The following ACADVL variants were observed in gnomAD, a reference collection of about 807,000 sequenced individuals.
The protein encoded by ACADVL is very long-chain acyl-CoA dehydrogenase, mitochondrial.
Under a neutral mutation model 80.4 loss-of-function variants are expected in ACADVL, and 73 were observed. That is an observed-to-expected ratio of 0.91 (90% CI 0.75 to 1.10). The LOEUF (loss-of-function observed/expected upper bound fraction) is 1.10, where lower values mean the gene tolerates loss of function less well. ACADVL is among the 50% of genes least tolerant of loss of function. ACADVL has a pLI of 0.00. For missense variants in ACADVL, 878 were observed against 858.9 expected, an observed-to-expected ratio of 1.02 and a Z score of -0.28; for synonymous variants, 392 against 326.5, an observed-to-expected ratio of 1.20 and a Z score of -2.16.
At chr17:7,222,967 C>A in intron 10 of ACADVL, 102 bp downstream of exon 10, 1 of 1,490,016 alleles carries the variant, frequency 6.7e-7, no homozygotes, top group Non-Finnish European at 9.2e-7. Flanking sequence ...ACACTAGAAA[C>A]TCCTCCCCTA....
intron 6 of ACADVL, 116 bp downstream of exon 6, chr17:7,221,174 G>GT: frequency 6.5e-7 from 1 of 1,542,656 alleles, no homozygotes; most frequent in Non-Finnish European, 8.8e-7. Context: ...CCTGCCCTGG[G>GT]TGCCTGTGGG....
At position 7,224,076 on chromosome 17, in the gene ACADVL, C is replaced by A. The variant is rs748136425; in HGVS notation, c.1434+7C>A. 1 of 1,613,800 alleles carries A rather than the reference C, an allele frequency of 6.2e-7. No homozygotes were observed. Among genetic ancestry groups the A allele is most frequent in the African/African-American group, 1.3e-5 (1 of 74,870 alleles). ...GGCTCTGCAGGGCTGTATGGTAAGA[C>A]AGAGAATTGGGTGGGGGTAGAGGTG... On this transcript the variant is annotated splice_region_variant and intron_variant, in intron 14 of 19. Coordinates refer to ENST00000356839, the MANE Select transcript of ACADVL (RefSeq NM_000018.4).
chr17:7,221,013 G>A lies in ACADVL; in HGVS notation c.432G>A (p.Leu144=), dbSNP rs778968978. Residue 144 remains leucine, a synonymous_variant, in exon 6 of 20, where the codon CTG becomes CTA. Coordinates refer to ENST00000356839, the MANE Select transcript of ACADVL (RefSeq NM_000018.4). The part of the protein sequence containing the change: ...QGLKELGAFG[L]QVPSELGGVG... The stretch of plus-strand genomic sequence containing the variant: ...TCAAGGAGCTGGGGGCCTTTGGTCT[G>A]CAAGTGCCCAGTGAGCTGGGTGGTG... 2 of 1,614,052 alleles carry A rather than the reference G, an allele frequency of 1.2e-6. No homozygotes were observed. The highest frequency in any genetic ancestry group is 2.2e-5 in the East Asian group (1 of 44,878).
chr17:7,218,636 G>C, upstream of ACADVL: 1 of 1,560,742 alleles, frequency 6.4e-7, no homozygotes, highest in African/African-American at 1.4e-5. Context: ...GGCTGACCTG[G>C]GAGCTAGTGA....
chr17:7,221,871 C>G, intron 7 of ACADVL, 81 bp from the exon 8 acceptor site: 1 of 1,609,910 alleles, frequency 6.2e-7, no homozygotes, highest in Non-Finnish European at 8.5e-7. Flanking sequence ...GGGGAACTGC[C>G]TGCTGGAGGG....
Position 7,224,503 on chromosome 17 carries a change from TGCCACTGTGGTGGAGG to T in ACADVL, c.1630_1645del (p.Ala544ProfsTer3), listed in dbSNP as rs1131691553. The T allele has an allele frequency of 1.9e-6, 3 of 1,613,732 alleles. No individual in the cohort carries two copies. The highest frequency in any genetic ancestry group is 2.2e-5 in the South Asian group (2 of 91,078). On this transcript the variant is annotated frameshift_variant, in exon 17 of 20. Transcript: ENST00000356839. LOFTEE classifies it high-confidence loss of function. ...AGGCAGTACGGGCTCTGGAGCAGTT[TGCCACTGTGGTGGAGG>T]CCAAGCTGATAAAACACAAGAAGGG...
chr17:7,217,486 A>C, upstream of ACADVL: 2 of 291,222 alleles, frequency 6.9e-6, no homozygotes, highest in Non-Finnish European at 1.1e-5. Context: ...GGGGAACTGG[A>C]TTTCGGGGAG....
rs768975918 is a variant in ACADVL, at chr17:7,221,679, T to G, written c.619T>G (p.Ser207Ala). The change falls in exon 7 of 20, where the codon TCT (serine) becomes GCT (alanine). Residue 207 changes from serine (S) to alanine (A), a missense_variant. Physicochemically the swap from Ser to Ala is moderately conservative, Grantham distance 99. Coordinates refer to ENST00000356839, the MANE Select transcript of ACADVL (RefSeq NM_000018.4). ...AGAAAAATACCTCCCCAAGCTGGCATCTGGTGAGGCAACCCTAGGAGAGCC... is the reference window on the plus strand; with the variant it reads ...AGAAAAATACCTCCCCAAGCTGGCAGCTGGTGAGGCAACCCTAGGAGAGCC... The part of the protein sequence containing the change: ...QKEKYLPKLA[S>A]GETVAAFCLT... 1 of 1,613,792 alleles carries G rather than the reference T, an allele frequency of 6.2e-7. No individual in the cohort carries two copies. The highest frequency in any genetic ancestry group is 8.5e-7 in the Non-Finnish European group (1 of 1,180,038).
Position 7,220,541 on chromosome 17 carries a change from C to T in ACADVL, c.204+12C>T, listed in dbSNP as rs750003292. The T allele has an allele frequency of 6.2e-7, 1 of 1,614,232 alleles. No homozygotes were observed. The highest frequency in any genetic ancestry group is 1.1e-5 in the South Asian group (1 of 91,082). ...AACCGGCCAAGGCGGTAGGTAGCCC[C>T]GAGGCCAGGTGGACCTTAGCCAGAC... On this transcript the variant is annotated intron_variant, in intron 3 of 19. Transcript: ENST00000356839.
At chr17:7,221,439 C>T in intron 6 of ACADVL, 99 bp from the exon 7 acceptor site, 1 of 301,344 alleles carries the variant, frequency 3.3e-6, no homozygotes, top group Non-Finnish European at 5.0e-6. Flanking sequence ...AGGTCAGGAA[C>T]TGCCCTAGGT....
rs2071232983 is a variant in ACADVL at position 7,221,645 on chromosome 17, G to A, written c.585G>A (p.Lys195=). 6.2e-7 allele frequency: 1 copy of A among 1,614,024 alleles called. No individual in the cohort carries two copies. The highest frequency in any genetic ancestry group is 1.3e-5 in the African/African-American group (1 of 75,046). ...AAGGCATCCTGCTCTTTGGCACAAA[G>A]GCCCAGAAAGAAAAATACCTCCCCA... is the stretch of plus-strand genomic sequence containing the variant. ...GFKGILLFGT[K]AQKEKYLPKL... Residue 195 remains lysine (K), a synonymous_variant, in exon 7 of 20, where the codon AAG becomes AAA. Coordinates refer to ENST00000356839, the MANE Select transcript of ACADVL (RefSeq NM_000018.4).
intron 5 of ACADVL, 40 bp from the exon 6 acceptor site, chr17:7,220,884 T>G: frequency 6.2e-7 from 1 of 1,613,964 alleles, no homozygotes; most frequent in Non-Finnish European, 8.5e-7. Flanking sequence ...GATGTTAAGC[T>G]CAAAAGGAGC....
Position 7,222,812 on chromosome 17 carries a change from T to C in ACADVL, c.1024T>C (p.Phe342Leu), listed in dbSNP as rs1356652354. Reference sequence around the variant, plus strand: ...CATGCACATCCTCAACAATGGAAGGTTTGGCATGGCTGCGGCCCTGGCAGG... The same window carrying C: ...CATGCACATCCTCAACAATGGAAGGCTTGGCATGGCTGCGGCCCTGGCAGG... ...VAMHILNNGRFGMAAALAGTM... is the reference protein window; with the variant it reads ...VAMHILNNGRLGMAAALAGTM... The change falls in exon 10 of 20, where the codon TTT (phenylalanine) becomes CTT (leucine). Residue 342 changes from phenylalanine to leucine, a missense_variant. Phe to Leu is a conservative substitution (Grantham distance 22). Coordinates refer to ENST00000356839, the MANE Select transcript of ACADVL (RefSeq NM_000018.4). 3.7e-6 allele frequency: 6 copies of C among 1,613,494 alleles called. No homozygotes were observed. The African/African-American group carries it at 8.0e-5, about 22-fold the overall frequency.
At chr17:7,219,396 G>C, upstream of ACADVL, 4 of 1,012,902 alleles carry the variant, frequency 3.9e-6, no homozygotes, top group Non-Finnish European at 4.7e-6. Flanking sequence ...AATCTGGGGG[G>C]GTCTTCCTAC....
upstream of ACADVL, chr17:7,218,995 C>T (rs2142953456): frequency 6.2e-6 from 5 of 810,728 alleles, no homozygotes; most frequent in East Asian, 2.6e-5. Context: ...GCACCAGCAC[C>T]GCCACCATCT....
upstream of ACADVL, chr17:7,218,581 G>A (rs534520593): frequency 4.5e-6 from 7 of 1,566,592 alleles, no homozygotes; most frequent in East Asian, 1.4e-4. Flanking sequence ...GCACTGTGAG[G>A]AGTGGGGGTG....
intron 9 of ACADVL, 99 bp from the exon 10 acceptor site, chr17:7,222,568 C>A: frequency 7.6e-7 from 1 of 1,324,250 alleles, no homozygotes; most frequent in Non-Finnish European, 1.1e-6. Context: ...GTCTAGTGGT[C>A]GTCATTCCTC....
rs1555528779 is a variant in ACADVL, at chr17:7,223,975, G to A, written c.1340G>A (p.Gly447Glu). The change falls in exon 14 of 20, where the codon GGA becomes GAA. Residue 447 changes from glycine (G) to glutamate (E), a missense_variant. By Grantham distance (98) the Gly-to-Glu change is moderately conservative. Coordinates refer to ENST00000356839, the MANE Select transcript of ACADVL (RefSeq NM_000018.4). ...MGGMGFMKEP[G>E]VERVLRDLRI... is the part of the protein sequence containing the mutation. ...TGTGTGGCCCTGTGCTAGGAACCTGGAGTAGAGCGTGTGCTCCGAGATCTT... is the reference window on the plus strand; with the variant it reads ...TGTGTGGCCCTGTGCTAGGAACCTGAAGTAGAGCGTGTGCTCCGAGATCTT... 1 of 1,613,826 alleles carries A rather than the reference G, an allele frequency of 6.2e-7. No individual in the cohort carries two copies. The highest frequency in any genetic ancestry group is 1.7e-5 in the Admixed American group (1 of 60,000).
chr17:7,223,384 G>T (rs1195924269), intron 11 of ACADVL, 147 bp downstream of exon 11: 3 of 876,586 alleles, frequency 3.4e-6, no homozygotes, highest in Non-Finnish European at 5.8e-6. Flanking sequence ...AGTCAGCTCA[G>T]CTTCTGCGAA....
Sources: allele counts gnomAD v4.1 joint callset, GRCh38; gene constraint gnomAD v4.1.1; transcripts MANE v1.5; gene names NCBI Gene and HGNC (gene_info 2026-07-23, HGNC 2026-07-21).